INPP4B: variants seen among roughly 807,000 people sequenced by gnomAD.
INPP4B encodes inositol polyphosphate 4-phosphatase type II.
INPP4B carries 55 observed loss-of-function variants against 122.5 expected under a neutral mutation model. That is an observed-to-expected ratio of 0.45 (90% CI 0.36 to 0.56). The LOEUF (loss-of-function observed/expected upper bound fraction) is 0.56. Among genes scored for constraint, INPP4B ranks in the 20% least tolerant of loss-of-function variants. INPP4B has a pLI of 0.00. For missense variants in INPP4B, 1,000 were observed against 1,097.7 expected, an observed-to-expected ratio of 0.91 and a Z score of 1.26; for synonymous variants, 403 against 388.7, an observed-to-expected ratio of 1.04 and a Z score of -0.43.
At chr4:142,328,506 T>G (rs1168356296) in intron 7 of INPP4B, among the ~76,000 whole-genome samples, 2 of 152,184 alleles carry the variant, frequency 1.3e-5, no homozygotes, top group Admixed American at 6.5e-5. Context: ...GTTTTCCATA[T>G]GCTAAAAGAC....
At chr4:142,499,448 G>A (rs1473207284) in intron 2 of INPP4B, among the ~76,000 whole-genome samples, 1 of 152,128 alleles carries the variant, frequency 6.6e-6, no homozygotes, top group African/African-American at 2.4e-5. Context: ...ATTTAGAATA[G>A]GTTAAAATTG....
Position 142,258,681 on chromosome 4 carries a change from G to A in INPP4B, c.688+1811C>T, listed in dbSNP as rs552898476. ...ACCATCTCACACCAGTTAGAATGGC[G>A]ATCATTAAAAAGTCAGGAAACAACA... On this transcript the variant is annotated intron_variant, in intron 11 of 25. Transcript: ENST00000262992. Among the ~76,000 whole-genome samples the A allele has an allele frequency of 1.6e-4, 25 of 152,246 alleles. No individual in the cohort carries two copies. The South Asian group carries it at 2.5e-3, about 15-fold the overall frequency.
chr4:142,252,105 C>T (rs72722423), intron 11 of INPP4B, among the ~76,000 whole-genome samples: 1,934 of 152,090 alleles, frequency 0.013, 18 homozygotes, highest in Middle Eastern at 0.082. Context: ...AATGATAGTA[C>T]CTTCCTCATA....
chr4:142,361,380 T>C lies in INPP4B; in HGVS notation c.372+41558A>G, dbSNP rs566751436. ...TGAAAAGGGCCTGGAATAGTACTGGTAGGTGGGAGAGGCACTGCTATTTCC... is the reference window on the plus strand; with the variant it reads ...TGAAAAGGGCCTGGAATAGTACTGGCAGGTGGGAGAGGCACTGCTATTTCC... On this transcript the variant is annotated intron_variant, in intron 7 of 25. Coordinates refer to ENST00000262992, the MANE Select transcript of INPP4B (RefSeq NM_001101669.3). Among the ~76,000 whole-genome samples, 240 of 152,036 alleles carry C rather than the reference T, an allele frequency of 1.6e-3. 1 individual carries two copies. The highest frequency in any genetic ancestry group is 4.7e-3 in the African/African-American group (197 of 41,526).
chr4:142,534,475 C>A (rs1827959219), intron 2 of INPP4B, among the ~76,000 whole-genome samples: 1 of 151,944 alleles, frequency 6.6e-6, no homozygotes, highest in African/African-American at 2.4e-5. Context: ...GAAACACGGG[C>A]CATCTTGGAA....
intron 1 of INPP4B, among the ~76,000 whole-genome samples, chr4:142,805,381 T>G (rs10034956): frequency 0.034 from 5,232 of 152,234 alleles, 91 homozygotes; most frequent in Middle Eastern, 0.055. Context: ...TGGAATAAAC[T>G]AGAACTATTT....
At chr4:142,743,718 T>G (rs1768241251) in intron 1 of INPP4B, among the ~76,000 whole-genome samples, 1 of 151,908 alleles carries the variant, frequency 6.6e-6, no homozygotes, top group Admixed American at 6.6e-5. Context: ...TAACAAAGCT[T>G]AAAGCTAAAT....
At chr4:142,304,886 G>A (rs1174987533) in intron 9 of INPP4B, among the ~76,000 whole-genome samples, 3 of 152,098 alleles carry the variant, frequency 2.0e-5, no homozygotes, top group Non-Finnish European at 4.4e-5. Flanking sequence ...AATTAAAATA[G>A]TGTGACTTCC....
chr4:142,686,203 T>G (rs1375033096), intron 2 of INPP4B, among the ~76,000 whole-genome samples: 1 of 152,074 alleles, frequency 6.6e-6, no homozygotes, highest in Non-Finnish European at 1.5e-5. Context: ...AGGCTGTTAG[T>G]CAAGGCCTCA....
At chr4:142,301,898 A>G (rs944930080) in intron 9 of INPP4B, among the ~76,000 whole-genome samples, 28 of 152,282 alleles carry the variant, frequency 1.8e-4, no homozygotes, top group African/African-American at 6.7e-4. Context: ...CTTTAAGATC[A>G]ATATAATTTT....
intron 23 of INPP4B, among the ~76,000 whole-genome samples, chr4:142,103,341 C>T (rs1785412640): frequency 6.6e-6 from 1 of 151,886 alleles, no homozygotes; most frequent in South Asian, 2.1e-4. Context: ...TCTATGTGGA[C>T]TACATAGAAA....
chr4:142,832,836 A>G (rs1166004396), intron 1 of INPP4B, among the ~76,000 whole-genome samples: 2 of 151,924 alleles, frequency 1.3e-5, no homozygotes, highest in African/African-American at 2.4e-5. Flanking sequence ...TAAATTTCAC[A>G]AAAGAATGTC....
chr4:142,830,537 A>T (rs1039352618), intron 1 of INPP4B, among the ~76,000 whole-genome samples: 2 of 152,100 alleles, frequency 1.3e-5, no homozygotes, highest in African/African-American at 4.8e-5. Flanking sequence ...TAATCTTTTA[A>T]TGTGTGGAAA....
chr4:142,560,571 T>C (rs1026906143), intron 2 of INPP4B: 3 of 152,132 alleles, frequency 2.0e-5, no homozygotes, highest in Admixed American at 6.5e-5. Flanking sequence ...CTTCAATCTG[T>C]GGTCGAAGGC....
intron 9 of INPP4B, among the ~76,000 whole-genome samples, chr4:142,294,912 T>C (rs1758013009): frequency 6.8e-6 from 1 of 147,744 alleles, no homozygotes; most frequent in African/African-American, 2.5e-5. Context: ...GCTGAGCAGA[T>C]GTGCAGATGT....
At chr4:142,788,266 CT>C (rs1198755762) in intron 1 of INPP4B, among the ~76,000 whole-genome samples, 2 of 151,850 alleles carry the variant, frequency 1.3e-5, no homozygotes, top group African/African-American at 4.8e-5. Flanking sequence ...TTTTAGTTAA[CT>C]TTTTATAAAA....
intron 2 of INPP4B, among the ~76,000 whole-genome samples, chr4:142,655,444 C>T (rs527461583): frequency 2.0e-5 from 3 of 152,278 alleles, no homozygotes; most frequent in Non-Finnish European, 2.9e-5. Flanking sequence ...AAGGATCATC[C>T]ATATGCTCAT....
At chr4:142,579,146 T>C (rs1353157018) in intron 2 of INPP4B, among the ~76,000 whole-genome samples, 3 of 151,998 alleles carry the variant, frequency 2.0e-5, no homozygotes, top group East Asian at 3.9e-4. Flanking sequence ...ACAGCCAACA[T>C]TTAAATGGGG....
At chr4:142,030,276 T>C (rs950360276) in intron 25 of INPP4B, 1 of 1,535,572 alleles carries the variant, frequency 6.5e-7, no homozygotes, top group Non-Finnish European at 8.7e-7. Context: ...ATCATCGGAT[T>C]CATTCAGTGC....
Sources: allele counts gnomAD v4.1 joint callset (sites outside exome capture counted in the v4.1 genomes callset), GRCh38; gene constraint gnomAD v4.1.1; transcripts MANE v1.5; gene names NCBI Gene and HGNC (gene_info 2026-07-23, HGNC 2026-07-21).